The following PALM2AKAP2 variants were observed in gnomAD, a reference collection of about 807,000 sequenced individuals.
PALM2AKAP2 encodes PALM2-AKAP2 fusion protein.
Under a neutral mutation model 71.5 loss-of-function variants are expected in PALM2AKAP2, and 37 were observed. The observed-to-expected ratio is 0.52, with a 90% CI of 0.40 to 0.68. The LOEUF is 0.68. Ranked by LOEUF, PALM2AKAP2 falls within the 30% of genes least tolerant of loss-of-function variation. The probability of loss-of-function intolerance (pLI) is 0.00; values close to 1 mark genes in which losing one functional copy is unlikely to be tolerated. For missense variants in PALM2AKAP2, 1,224 were observed against 1,191.8 expected (o/e 1.03, Z -0.40); for synonymous variants, 468 against 478.8 (o/e 0.98, Z 0.29).
At chr9:110,002,026 C>A (rs1167645118) in intron 6 of PALM2AKAP2, among the ~76,000 whole-genome samples, 2 of 152,170 alleles carry the variant, frequency 1.3e-5, no homozygotes, top group Non-Finnish European at 2.9e-5. Flanking sequence ...TTCCTGATTG[C>A]CCTGGCCAGA....
intron 1 of PALM2AKAP2, among the ~76,000 whole-genome samples, chr9:109,864,769 G>GT (rs1312388845): frequency 6.6e-6 from 1 of 152,222 alleles, no homozygotes; most frequent in Non-Finnish European, 1.5e-5. Flanking sequence ...TAGGAAAAGT[G>GT]TATCAGCCCC....
intron 1 of PALM2AKAP2, among the ~76,000 whole-genome samples, chr9:110,105,515 C>T (rs780852380): frequency 1.3e-5 from 2 of 152,118 alleles, no homozygotes; most frequent in Admixed American, 6.5e-5. Flanking sequence ...AACATGTGCA[C>T]GCATACTGTA....
chr9:109,774,930 T>C (rs539800441), intron 1 of PALM2AKAP2, among the ~76,000 whole-genome samples: 3 of 152,214 alleles, frequency 2.0e-5, no homozygotes, highest in Non-Finnish European at 4.4e-5. Flanking sequence ...ATCCTACTTT[T>C]CAAAACTTTT....
At chr9:109,967,871 T>C (rs1239166120) in intron 6 of PALM2AKAP2, among the ~76,000 whole-genome samples, 2 of 152,174 alleles carry the variant, frequency 1.3e-5, no homozygotes, top group Non-Finnish European at 2.9e-5. Flanking sequence ...GGGTTTGGGG[T>C]ACCATGAAGA....
At chr9:109,695,867 T>C (rs1564116288) in intron 1 of PALM2AKAP2, among the ~76,000 whole-genome samples, 1 of 151,922 alleles carries the variant, frequency 6.6e-6, no homozygotes, top group Non-Finnish European at 1.5e-5. Flanking sequence ...TTACCAGAGG[T>C]TGACAAGGGT....
chr9:110,021,490 C>T (rs1288668568), intron 7 of PALM2AKAP2, among the ~76,000 whole-genome samples: 1 of 152,218 alleles, frequency 6.6e-6, no homozygotes, highest in Non-Finnish European at 1.5e-5. Context: ...TGCCAAGAAT[C>T]ACACCTATGC....
intron 1 of PALM2AKAP2, among the ~76,000 whole-genome samples, chr9:109,791,136 C>G (rs1375935659): frequency 6.6e-6 from 1 of 152,218 alleles, no homozygotes; most frequent in Non-Finnish European, 1.5e-5. Context: ...ACTTTCCAAT[C>G]TTACTGGTGA....
At chr9:110,113,199 TTTG>T (rs757260198) in intron 1 of PALM2AKAP2, among the ~76,000 whole-genome samples, 7 of 152,060 alleles carry the variant, frequency 4.6e-5, no homozygotes, top group Non-Finnish European at 7.4e-5. Flanking sequence ...GGTTTTTATT[TTTG>T]TTGTTGTTGT....
In PALM2AKAP2 at chr9:109,879,699, GTTT is replaced by G. The variant is rs369185975; in HGVS notation, c.127-837_127-835del. Among the ~76,000 whole-genome samples the G allele has an allele frequency of 5.7e-4, 77 of 135,066 alleles. 1 individual carries two copies. The highest frequency in any genetic ancestry group is 9.1e-4 in the Non-Finnish European group (57 of 62,614). The allele number at this position is 135,066 out of a possible 152,430, so 88.6% of individuals were successfully genotyped here. On this transcript the variant is annotated intron_variant, in intron 2 of 9. Coordinates refer to the PALM2AKAP2 transcript ENST00000302798. ...TACACTTGCAAACATGGGATGTATG[GTTT>G]TTTTTTTTTTTTTTGACAGGGTCTC...
intron 1 of PALM2AKAP2, among the ~76,000 whole-genome samples, chr9:109,763,193 G>A (rs1180221401): frequency 6.6e-6 from 1 of 152,096 alleles, no homozygotes; most frequent in Non-Finnish European, 1.5e-5. Context: ...CAGAAGCTGA[G>A]GGAAACTCAG....
intron 6 of PALM2AKAP2, among the ~76,000 whole-genome samples, chr9:110,014,725 A>G (rs1316803819): frequency 1.4e-5 from 2 of 143,998 alleles, no homozygotes; most frequent in African/African-American, 2.6e-5. Flanking sequence ...CTGAGCCAAG[A>G]TTGCACCACT....
At chr9:110,064,163 T>C (rs1266622997) in intron 1 of PALM2AKAP2, among the ~76,000 whole-genome samples, 1 of 152,164 alleles carries the variant, frequency 6.6e-6, no homozygotes, top group Non-Finnish European at 1.5e-5. Context: ...CTTATCTCCT[T>C]GATATGAGAT....
chr9:109,940,765 A>G (rs566175946), intron 6 of PALM2AKAP2, among the ~76,000 whole-genome samples: 28 of 152,254 alleles, frequency 1.8e-4, no homozygotes, highest in African/African-American at 6.0e-4. Flanking sequence ...TATGGCCACA[A>G]TGTGTAAAGA....
chr9:110,106,910 A>C (rs948444617), intron 1 of PALM2AKAP2, among the ~76,000 whole-genome samples: 2 of 152,226 alleles, frequency 1.3e-5, no homozygotes, highest in African/African-American at 4.8e-5. Flanking sequence ...CCCTCTCTCC[A>C]GTCTGTTTTT....
intron 1 of PALM2AKAP2, among the ~76,000 whole-genome samples, chr9:109,737,955 T>C (rs1828662035): frequency 6.6e-6 from 1 of 152,238 alleles, no homozygotes; most frequent in African/African-American, 2.4e-5. Context: ...CTGACTAGCA[T>C]GGCTTTGATG....
At chr9:109,802,001 C>A (rs1038918425) in intron 1 of PALM2AKAP2, among the ~76,000 whole-genome samples, 1 of 152,168 alleles carries the variant, frequency 6.6e-6, no homozygotes, top group African/African-American at 2.4e-5. Flanking sequence ...CAGCTGGACA[C>A]AAAATGCCAT....
rs1009944164 is a variant in PALM2AKAP2, at chr9:109,705,203, A to G, written c.5+64337A>G. Among the ~76,000 whole-genome samples, 6 of 152,218 alleles carry G rather than the reference A, an allele frequency of 3.9e-5. No individual in the cohort carries two copies. The East Asian group carries it at 5.8e-4, about 15-fold the overall frequency. ...GACTTGGAAAACAAGTGCCCCTAGCATGCTCCTTCAACTACTTGATATTAA... is the reference window on the plus strand; with the variant it reads ...GACTTGGAAAACAAGTGCCCCTAGCGTGCTCCTTCAACTACTTGATATTAA... On this transcript the variant is annotated intron_variant, in intron 1 of 6. Coordinates refer to the PALM2AKAP2 transcript ENST00000374531.
intron 3 of PALM2AKAP2, among the ~76,000 whole-genome samples, chr9:109,898,469 A>G (rs1048457088): frequency 1.2e-4 from 19 of 152,378 alleles, no homozygotes; most frequent in South Asian, 6.2e-4. Flanking sequence ...TTAGAAATAA[A>G]CACATAAATA....
At chr9:110,125,478 A>G in intron 1 of PALM2AKAP2, 4 of 984,738 alleles carry the variant, frequency 4.1e-6, no homozygotes, top group Non-Finnish European at 3.6e-6. Flanking sequence ...GTGACATCAC[A>G]GTCTTCCGTC....
Sources: allele counts gnomAD v4.1 joint callset (sites outside exome capture counted in the v4.1 genomes callset), GRCh38; gene constraint gnomAD v4.1.1; transcripts MANE v1.5; gene names NCBI Gene and HGNC (gene_info 2026-07-23, HGNC 2026-07-21).